The following GPC5 variants were observed in gnomAD, a reference collection of about 807,000 sequenced individuals.
GPC5 encodes the protein glypican-5.
Under a neutral mutation model 53.9 loss-of-function variants are expected in GPC5, and 47 were observed. That is an observed-to-expected ratio of 0.87 (90% confidence interval 0.69 to 1.11). The LOEUF (loss-of-function observed/expected upper bound fraction) is 1.11. Among genes scored for constraint, GPC5 ranks in the 50% most tolerant of loss-of-function variants. The pLI, the probability that GPC5 is intolerant of heterozygous loss-of-function variation, is 0.00. For missense variants in GPC5, 748 were observed against 713.1 expected, an observed-to-expected ratio of 1.05 and a Z score of -0.56; for synonymous variants, 286 against 263.3, an observed-to-expected ratio of 1.09 and a Z score of -0.84.
At chr13:92,350,633 T>C (rs1490790687) in intron 7 of GPC5, among the ~76,000 whole-genome samples, 1 of 152,130 alleles carries the variant, frequency 6.6e-6, no homozygotes, top group Admixed American at 6.5e-5. Flanking sequence ...GTGAATATAG[T>C]TGAAAATAAT....
chr13:92,623,924 G>A (rs1453928117), intron 7 of GPC5, among the ~76,000 whole-genome samples: 4 of 151,826 alleles, frequency 2.6e-5, no homozygotes, highest in African/African-American at 9.7e-5. Flanking sequence ...GCGCGATCTC[G>A]ACTCACTGCA....
chr13:92,459,460 A>C (rs1878398475), intron 7 of GPC5, among the ~76,000 whole-genome samples: 1 of 152,216 alleles, frequency 6.6e-6, no homozygotes, highest in Admixed American at 6.5e-5. Context: ...CAAATCCAAT[A>C]AGTGACAGGG....
At chr13:91,606,856 A>G (rs543137589) in intron 2 of GPC5, among the ~76,000 whole-genome samples, 3 of 150,132 alleles carry the variant, frequency 2.0e-5, no homozygotes, top group South Asian at 2.1e-4. Flanking sequence ...TTTTTTCTTT[A>G]TTAGTCTTGC....
chr13:92,350,715 A>C (rs146563717), intron 7 of GPC5, among the ~76,000 whole-genome samples: 1 of 152,216 alleles, frequency 6.6e-6, no homozygotes, highest in Non-Finnish European at 1.5e-5. Flanking sequence ...GTTTGAGAGC[A>C]TAAGTATATT....
At chr13:91,422,812 A>G (rs922610377) in intron 1 of GPC5, among the ~76,000 whole-genome samples, 2 of 152,122 alleles carry the variant, frequency 1.3e-5, no homozygotes, top group African/African-American at 4.8e-5. Context: ...TTTTTATAAC[A>G]GACCTACTCT....
At chr13:92,267,142 T>C (rs948775110) in intron 7 of GPC5, among the ~76,000 whole-genome samples, 1 of 152,126 alleles carries the variant, frequency 6.6e-6, no homozygotes, top group African/African-American at 2.4e-5. Context: ...AAATAAAATA[T>C]TGCCTAGCTT....
At chr13:91,965,038 A>G (rs999989563) in intron 6 of GPC5, among the ~76,000 whole-genome samples, 6 of 132,298 alleles carry the variant, frequency 4.5e-5, no homozygotes, top group Non-Finnish European at 9.3e-5. Flanking sequence ...AACAATGAGA[A>G]CACTTAGACA....
At chr13:91,654,302 A>G (rs16946414) in intron 2 of GPC5, among the ~76,000 whole-genome samples, 3,880 of 152,250 alleles carry the variant, frequency 0.025, 173 homozygotes, top group African/African-American at 0.089. Flanking sequence ...GCTTAAATAT[A>G]CTTGTATGAA....
At position 91,926,359 on chromosome 13, in the gene GPC5, T is replaced by TAA. The variant is rs34690525; in HGVS notation, c.1401+18323_1401+18324dup. Among the ~76,000 whole-genome samples the TAA allele has an allele frequency of 8.5e-3, 823 of 96,312 alleles. 10 individuals are homozygous for TAA. The highest frequency in any genetic ancestry group is 0.028 in the African/African-American group (705 of 25,636). 63.2% of individuals were successfully genotyped at this position (96,312 alleles called of 152,430 possible). A position where few individuals can be genotyped will look rare whatever the true frequency, so the allele number is the denominator to read the frequency against. On this transcript the variant is annotated intron_variant, in intron 6 of 7. Coordinates refer to ENST00000377067, the MANE Select transcript of GPC5 (RefSeq NM_004466.6). ...CTGGGTGACAGAGTGAGACTCCACCTAAAAAAAAAAAAAAAAAAAAAATCT... is the reference window on the plus strand; with the variant it reads ...CTGGGTGACAGAGTGAGACTCCACCTAAAAAAAAAAAAAAAAAAAAAAAATCT...
At chr13:91,440,907 G>A (rs1023651844) in intron 1 of GPC5, among the ~76,000 whole-genome samples, 3 of 152,142 alleles carry the variant, frequency 2.0e-5, no homozygotes, top group African/African-American at 4.8e-5. Flanking sequence ...GTTGGGCAGA[G>A]TTTACACAGA....
intron 6 of GPC5, among the ~76,000 whole-genome samples, chr13:91,964,004 TTGG>T: frequency 6.6e-6 from 1 of 152,254 alleles, no homozygotes; most frequent in Non-Finnish European, 1.5e-5. Context: ...GTGTTTGGAA[TTGG>T]TGGGTTCTTG....
intron 7 of GPC5, among the ~76,000 whole-genome samples, chr13:92,511,787 T>C (rs1375193806): frequency 6.6e-6 from 1 of 152,214 alleles, no homozygotes; most frequent in East Asian, 1.9e-4. Flanking sequence ...AGGGAGAAAC[T>C]GCAATCATCA....
chr13:91,882,670 G>GTTTTTTTTTTTTTTTTT, intron 5 of GPC5, among the ~76,000 whole-genome samples: 2 of 59,334 alleles, frequency 3.4e-5, no homozygotes, highest in Non-Finnish European at 6.1e-5. Context: ...TGTTTTTTGG[G>GTTTTTTTTTTTTTTTTT]TTTTTTTTTT....
In GPC5 at chr13:91,398,871, G is replaced by C. The variant is rs1450396449; in HGVS notation, c.-176G>C. On this transcript the variant is annotated 5_prime_UTR_variant, in exon 1 of 8. Coordinates refer to ENST00000377067, the MANE Select transcript of GPC5 (RefSeq NM_004466.6). ...GGTGTCTCAGCTTAGGGCCTCCTCC[G>C]GGAAGAGCTAACTGCTCCCAGGTGA... 5 of 670,692 alleles carry C rather than the reference G, an allele frequency of 7.5e-6. No individual in the cohort carries two copies. The highest frequency in any genetic ancestry group is 3.0e-5 in the East Asian group (1 of 32,934). 41.5% of individuals were successfully genotyped at this position (670,692 alleles called of 1,614,324 possible).
intron 2 of GPC5, among the ~76,000 whole-genome samples, chr13:91,583,049 G>A (rs78108045): frequency 0.019 from 2,960 of 152,110 alleles, 85 homozygotes; most frequent in African/African-American, 0.067. Flanking sequence ...AAAACATTTA[G>A]CATCTAGGAA....
intron 5 of GPC5, among the ~76,000 whole-genome samples, chr13:91,882,673 T>TTTG: frequency 7.0e-6 from 1 of 142,632 alleles, no homozygotes; most frequent in South Asian, 2.3e-4. Flanking sequence ...TTTTTGGGTT[T>TTTG]TTTTTTTTTT....
At chr13:92,123,934 G>C (rs1385889016) in intron 6 of GPC5, among the ~76,000 whole-genome samples, 1 of 151,982 alleles carries the variant, frequency 6.6e-6, no homozygotes, top group Non-Finnish European at 1.5e-5. Flanking sequence ...TATTTTTAAA[G>C]ATGAATAGCA....
intron 1 of GPC5, among the ~76,000 whole-genome samples, chr13:91,434,824 G>A (rs1879784249): frequency 6.6e-6 from 1 of 152,142 alleles, no homozygotes; most frequent in South Asian, 2.1e-4. Context: ...CATGAGCATG[G>A]AATGTTCTTC....
intron 5 of GPC5, among the ~76,000 whole-genome samples, chr13:91,880,157 A>C (rs1352229143): frequency 6.6e-6 from 1 of 152,098 alleles, no homozygotes; most frequent in Admixed American, 6.5e-5. Flanking sequence ...AAATTGATAC[A>C]TGCAACCTAT....
Sources: allele counts gnomAD v4.1 joint callset (sites outside exome capture counted in the v4.1 genomes callset), GRCh38; gene constraint gnomAD v4.1.1; transcripts MANE v1.5; gene names NCBI Gene and HGNC (gene_info 2026-07-23, HGNC 2026-07-21).